Variants in RBFOX3 observed in about 807,000 individuals in gnomAD.
RBFOX3 encodes RNA binding protein fox-1 homolog 3.
RBFOX3 carries 17 observed loss-of-function variants against 48.7 expected under a neutral mutation model. That is an observed-to-expected ratio of 0.35 (90% CI 0.24 to 0.52). RBFOX3 has a LOEUF of 0.52. Ranked by LOEUF, RBFOX3 falls within the 20% of genes least tolerant of loss-of-function variation. RBFOX3 has a pLI of 0.94. For synonymous variants in RBFOX3, 212 were observed against 209.5 expected (o/e 1.01, Z -0.10); for missense variants, 382 against 497.5 (o/e 0.77, Z 2.21).
intron 4 of RBFOX3, among the ~76,000 whole-genome samples, chr17:79,232,507 A>G (rs76144313): frequency 6.6e-6 from 1 of 152,196 alleles, no homozygotes. Flanking sequence ...ATTTTTGATA[A>G]GACTGCAGGG....
chr17:79,270,224 G>A (rs937363021), intron 3 of RBFOX3, among the ~76,000 whole-genome samples: 7 of 152,086 alleles, frequency 4.6e-5, no homozygotes, highest in South Asian at 2.1e-4. Flanking sequence ...CAGGGCCCCC[G>A]CCATGGTTTT....
intron 3 of RBFOX3, among the ~76,000 whole-genome samples, chr17:79,287,601 G>A (rs922950341): frequency 6.6e-6 from 1 of 152,162 alleles, no homozygotes; most frequent in Non-Finnish European, 1.5e-5. Context: ...CGGCCAACAG[G>A]CAGCTGGGCC....
At chr17:79,333,472 G>A (rs901321312) in intron 2 of RBFOX3, among the ~76,000 whole-genome samples, 2 of 152,120 alleles carry the variant, frequency 1.3e-5, no homozygotes, top group South Asian at 2.1e-4. Flanking sequence ...AATGGAGACC[G>A]AGTACAGTAT....
chr17:79,611,267 GGCGCGGGCGGCGGTGGCAGCTCGAGCGGA>G (rs2093967679), upstream of RBFOX3, among the ~76,000 whole-genome samples: 1 of 149,996 alleles, frequency 6.7e-6, no homozygotes. Context: ...ACGCGGCGGC[GGCGCGGGCGGCGGTGGCAGCTCGAGCGGA>G]GCGCGCAGCG....
chr17:79,174,311 C>T (rs958165216), intron 4 of RBFOX3, among the ~76,000 whole-genome samples: 2 of 150,952 alleles, frequency 1.3e-5, no homozygotes, highest in African/African-American at 4.9e-5. Context: ...ACAATGCATT[C>T]ACTCACATGC....
At chr17:79,641,247 T>C in the RBFOX3 span, among the ~76,000 whole-genome samples, 12 of 152,130 alleles carry the variant, frequency 7.9e-5, no homozygotes, top group African/African-American at 2.9e-4. Context: ...AAACCACAGT[T>C]AGATATTCCC....
At chr17:79,412,677 A>G (rs1383461052) in intron 2 of RBFOX3, among the ~76,000 whole-genome samples, 1 of 150,286 alleles carries the variant, frequency 6.7e-6, no homozygotes, top group Non-Finnish European at 1.5e-5. Context: ...AGTGTATGGT[A>G]TATGTGTATA....
intron 4 of RBFOX3, among the ~76,000 whole-genome samples, chr17:79,189,708 C>G (rs2054087713): frequency 6.6e-6 from 1 of 152,198 alleles, no homozygotes; most frequent in Non-Finnish European, 1.5e-5. Context: ...TTCCTGGGCC[C>G]TCACCCCGTG....
At chr17:79,390,000 C>T (rs1407734805) in intron 2 of RBFOX3, among the ~76,000 whole-genome samples, 7 of 99,706 alleles carry the variant, frequency 7.0e-5, no homozygotes, top group Non-Finnish European at 1.6e-4. Context: ...TCCAGGTCTC[C>T]GCAGCCTCCA....
At chr17:79,325,824 G>A (rs1237696588) in intron 2 of RBFOX3, among the ~76,000 whole-genome samples, 1 of 152,114 alleles carries the variant, frequency 6.6e-6, no homozygotes, top group Non-Finnish European at 1.5e-5. Context: ...CTCCATTACA[G>A]GGCGAGGCTG....
rs1316811845 is a variant in RBFOX3 at position 79,252,154 on chromosome 17, T to C, written c.-73-16349A>G. Among the ~76,000 whole-genome samples, 2 of 152,190 alleles carry C rather than the reference T, an allele frequency of 1.3e-5. No homozygotes were observed. The highest frequency in any genetic ancestry group is 4.8e-5 in the African/African-American group (2 of 41,452). Reference sequence around the variant, plus strand: ...GGCCCTTCCTCCTGCCTTTGCCTAGTGGGTAACTGGGCATTGCAGGGCCCC... The same window carrying C: ...GGCCCTTCCTCCTGCCTTTGCCTAGCGGGTAACTGGGCATTGCAGGGCCCC... On this transcript the variant is annotated intron_variant, in intron 3 of 14. Transcript: ENST00000693108. The surrounding 1 kb of genome is among the most constrained non-coding windows in gnomAD (Gnocchi z 4.0).
chr17:79,522,682 C>T (rs2086269989), intron 1 of RBFOX3, among the ~76,000 whole-genome samples: 1 of 152,060 alleles, frequency 6.6e-6, no homozygotes, highest in African/African-American at 2.4e-5. Flanking sequence ...GTAAACCCAG[C>T]ACTTTGGGAT....
chr17:79,178,078 C>G (rs1029758105), intron 4 of RBFOX3, among the ~76,000 whole-genome samples: 4 of 152,174 alleles, frequency 2.6e-5, no homozygotes, highest in African/African-American at 9.7e-5. Context: ...GTGTCCAGGG[C>G]CGGAGCTTTC....
chr17:79,457,869 C>T (rs531633144), intron 2 of RBFOX3, among the ~76,000 whole-genome samples: 17 of 152,202 alleles, frequency 1.1e-4, no homozygotes, highest in African/African-American at 1.9e-4. Flanking sequence ...CCCAGCACAA[C>T]GGCAGAAAGA....
chr17:79,456,990 T>C (rs992051159), intron 2 of RBFOX3, among the ~76,000 whole-genome samples: 11 of 152,218 alleles, frequency 7.2e-5, no homozygotes, highest in Admixed American at 5.2e-4. Context: ...GTGTGTGTTA[T>C]AGGCAGAGGT....
At chr17:79,663,445 G>A in the RBFOX3 span, among the ~76,000 whole-genome samples, 1 of 152,174 alleles carries the variant, frequency 6.6e-6, no homozygotes, top group South Asian at 2.1e-4. Flanking sequence ...GGCTGAGGCT[G>A]TTCTCCTCCC....
intron 2 of RBFOX3, among the ~76,000 whole-genome samples, chr17:79,389,124 C>T (rs564264174): frequency 1.3e-5 from 2 of 152,294 alleles, no homozygotes; most frequent in African/African-American, 2.4e-5. Context: ...GCAAGCACCG[C>T]GTCACAGGGG....
At chr17:79,323,867 C>A (rs2078924097) in intron 2 of RBFOX3, among the ~76,000 whole-genome samples, 1 of 152,214 alleles carries the variant, frequency 6.6e-6, no homozygotes, top group South Asian at 2.1e-4. Context: ...ATTGTTTGGG[C>A]AGATTGCTTA....
intron 3 of RBFOX3, among the ~76,000 whole-genome samples, chr17:79,247,187 G>A (rs996354731): frequency 2.0e-5 from 3 of 152,128 alleles, no homozygotes; most frequent in South Asian, 2.1e-4. Context: ...TGGAGCCCAC[G>A]GGAGCCAGCC....
Sources: gnomAD v4.1 joint callset for allele counts (sites outside exome capture counted in the v4.1 genomes callset) on GRCh38, gnomAD v4.1.1 for gene constraint, Gnocchi (gnomAD v3.1) non-coding constraint, MANE v1.5 for transcripts, NCBI Gene and HGNC (gene_info 2026-07-23, HGNC 2026-07-21) for gene names.